Variants in ARHGAP44 observed in about 807,000 individuals in gnomAD.
ARHGAP44 encodes rho GTPase-activating protein 44.
In ARHGAP44, 43 loss-of-function variants were observed where a neutral mutation model predicts 106.8. The ratio of observed to expected loss-of-function variants is 0.40; its 90% CI spans 0.32 to 0.52. The LOEUF (loss-of-function observed/expected upper bound fraction) is 0.52. ARHGAP44 is among the 20% of genes least tolerant of loss of function. The pLI, the probability that ARHGAP44 is intolerant of heterozygous loss-of-function variation, is 0.48. For missense variants in ARHGAP44, 866 were observed against 1,050.5 expected (o/e 0.82, Z 2.43); for synonymous variants, 439 against 410.3 (o/e 1.07, Z -0.85).
At chr17:12,962,959 C>T (rs564893986) in intron 16 of ARHGAP44, among the ~76,000 whole-genome samples, 36 of 147,142 alleles carry the variant, frequency 2.4e-4, no homozygotes, top group African/African-American at 7.0e-4. Context: ...GCAGGAGAAT[C>T]GCTTGAACCC....
chr17:12,850,694 A>C (rs1419448312), intron 1 of ARHGAP44, among the ~76,000 whole-genome samples: 5 of 152,140 alleles, frequency 3.3e-5, no homozygotes, highest in Non-Finnish European at 7.4e-5. Flanking sequence ...AGTCACCAGG[A>C]TTGATCCTCG....
At chr17:12,903,794 A>C (rs1023758478) in intron 3 of ARHGAP44, among the ~76,000 whole-genome samples, 1 of 152,044 alleles carries the variant, frequency 6.6e-6, no homozygotes, top group African/African-American at 2.4e-5. Context: ...TATCATTCTT[A>C]TGCCTCTGTA....
rs549656579 is a variant in ARHGAP44 at position 12,904,238 on chromosome 17, C to A, written c.199-4659C>A. On this transcript the variant is annotated intron_variant, in intron 3 of 20. Transcript: ENST00000379672. ...TCTCCTGCCTCAGCCTCCCGAGTAG[C>A]TGGGATTACAGGTGCATGCCACCAT... Among the ~76,000 whole-genome samples the A allele has an allele frequency of 3.3e-5, 5 of 152,274 alleles. 1 individual carries two copies. Among genetic ancestry groups the A allele is most frequent in the African/African-American group, 1.2e-4 (5 of 41,560 alleles).
chr17:12,861,622 TCCTCTTCTGCCTCCTCTTCCAC>T (rs2036078093), intron 1 of ARHGAP44, among the ~76,000 whole-genome samples: 1 of 149,724 alleles, frequency 6.7e-6, no homozygotes, highest in South Asian at 2.1e-4. Context: ...CCCTCTGAAT[TCCTCTTCTGCCTCCTCTTCCAC>T]TTTTTTTTTT....
chr17:12,845,464 C>T (rs7220976), intron 1 of ARHGAP44, among the ~76,000 whole-genome samples: 43,227 of 148,034 alleles, frequency 0.29, 9,450 homozygotes, highest in African/African-American at 0.62. Context: ...GCCGAGATCG[C>T]GCCATTGCAC....
At chr17:12,810,736 C>A (rs2034413698) in intron 1 of ARHGAP44, among the ~76,000 whole-genome samples, 1 of 152,128 alleles carries the variant, frequency 6.6e-6, no homozygotes, top group African/African-American at 2.4e-5. Context: ...GCTCTCCACC[C>A]CAGACCTTTC....
At chr17:12,801,817 A>G (rs983228092) in intron 1 of ARHGAP44, among the ~76,000 whole-genome samples, 5 of 151,904 alleles carry the variant, frequency 3.3e-5, no homozygotes, top group African/African-American at 1.2e-4. Context: ...ATTATGAGTG[A>G]TTTGATTTCT....
chr17:12,945,469 G>T (rs1357157217), intron 10 of ARHGAP44, among the ~76,000 whole-genome samples: 1 of 152,168 alleles, frequency 6.6e-6, no homozygotes, highest in Non-Finnish European at 1.5e-5. Flanking sequence ...TGCGGTACGT[G>T]TTTTATTGAG....
At chr17:12,853,748 A>G (rs961196986) in intron 1 of ARHGAP44, among the ~76,000 whole-genome samples, 6 of 152,278 alleles carry the variant, frequency 3.9e-5, no homozygotes, top group Middle Eastern at 3.4e-3. Context: ...CTTTTGTTAC[A>G]TGGTTGCAAA....
chr17:12,889,856 C>T (rs1477042118), intron 1 of ARHGAP44, among the ~76,000 whole-genome samples: 1 of 151,898 alleles, frequency 6.6e-6, no homozygotes, highest in Non-Finnish European at 1.5e-5. Flanking sequence ...GTTCCTATCT[C>T]AAAAGAGAGA....
intron 1 of ARHGAP44, among the ~76,000 whole-genome samples, chr17:12,806,020 C>T (rs2034263669): frequency 6.6e-6 from 1 of 152,166 alleles, no homozygotes; most frequent in Non-Finnish European, 1.5e-5. Flanking sequence ...CCAAGGGTGG[C>T]CATCTGACAG....
At chr17:12,956,376 G>A (rs1364987527) in intron 14 of ARHGAP44, among the ~76,000 whole-genome samples, 1 of 152,186 alleles carries the variant, frequency 6.6e-6, no homozygotes, top group African/African-American at 2.4e-5. Context: ...AAGAGGATGA[G>A]AATCACAGGG....
At chr17:12,966,275 A>G (rs963495468) in intron 16 of ARHGAP44, among the ~76,000 whole-genome samples, 2 of 151,278 alleles carry the variant, frequency 1.3e-5, no homozygotes, top group African/African-American at 4.9e-5. Flanking sequence ...CTGCGTATGG[A>G]TGGAAAATGT....
At chr17:12,915,767 C>A in intron 4 of ARHGAP44, 133 bp from the exon 5 acceptor site, 1 of 697,546 alleles carries the variant, frequency 1.4e-6, no homozygotes, top group Non-Finnish European at 2.4e-6. Context: ...CCAGGGGAAG[C>A]CATGGAGATC....
intron 1 of ARHGAP44, among the ~76,000 whole-genome samples, chr17:12,844,090 G>T (rs540853721): frequency 6.6e-6 from 1 of 152,186 alleles, no homozygotes; most frequent in Non-Finnish European, 1.5e-5. Context: ...CTCTGTGCAT[G>T]CATAGTTCAG....
At position 12,974,090 on chromosome 17, in the gene ARHGAP44, A is replaced by G. The variant is rs761331042; in HGVS notation, c.1543A>G (p.Met515Val). Residue 515 changes from methionine to valine, a missense_variant and splice_region_variant, in exon 18 of 21, where the codon ATG becomes GTG. Physicochemically the swap from Met to Val is conservative, Grantham distance 21. Coordinates refer to ENST00000379672, the MANE Select transcript of ARHGAP44 (RefSeq NM_014859.6). Reference sequence around the variant, plus strand: ...CGGTGTCTTTGTGTCCCTCGCCAGCATGGGTGTGAGGGTCATGGACACAAA... The same window carrying G: ...CGGTGTCTTTGTGTCCCTCGCCAGCGTGGGTGTGAGGGTCATGGACACAAA... ...KKDGLRKIQS[M>V]GVRVMDTNWV... is the part of the protein sequence containing the mutation. 45 of 1,563,710 alleles carry G rather than the reference A, an allele frequency of 2.9e-5. No homozygotes were observed. Among genetic ancestry groups the G allele is most frequent in the Non-Finnish European group, 3.9e-5 (45 of 1,153,908 alleles).
At chr17:12,936,125 A>C (rs1003090905) in intron 7 of ARHGAP44, among the ~76,000 whole-genome samples, 2 of 152,172 alleles carry the variant, frequency 1.3e-5, no homozygotes, top group African/African-American at 2.4e-5. Flanking sequence ...CCCCACAAAC[A>C]TACAACCTCC....
At chr17:12,793,170 T>G (rs1399997144) in intron 1 of ARHGAP44, among the ~76,000 whole-genome samples, 2 of 152,238 alleles carry the variant, frequency 1.3e-5, no homozygotes, top group African/African-American at 2.4e-5. Context: ...AGGATTGCAC[T>G]GTGGTAATGT....
At chr17:12,828,347 C>T (rs1451477605) in intron 1 of ARHGAP44, among the ~76,000 whole-genome samples, 1 of 152,036 alleles carries the variant, frequency 6.6e-6, no homozygotes, top group East Asian at 1.9e-4. Flanking sequence ...TGTAGAGATA[C>T]TTTATCAAGC....
Sources: gnomAD v4.1 joint callset for allele counts (sites outside exome capture counted in the v4.1 genomes callset) on GRCh38, gnomAD v4.1.1 for gene constraint, MANE v1.5 for transcripts, NCBI Gene and HGNC (gene_info 2026-07-23, HGNC 2026-07-21) for gene names.